Variants in CACNA1E observed in about 807,000 individuals in gnomAD.
CACNA1E encodes the protein calcium voltage-gated channel subunit alpha1 E.
Under a neutral mutation model 259.2 loss-of-function variants are expected in CACNA1E, and 40 were observed. The observed-to-expected ratio is 0.15, with a 90% CI of 0.12 to 0.20. CACNA1E has a LOEUF of 0.20. Among genes scored for constraint, CACNA1E ranks in the 10% least tolerant of loss-of-function variants. The pLI is 1.00. For missense variants in CACNA1E, 1,874 were observed against 3,040.1 expected (o/e 0.62, Z 9.02); for synonymous variants, 1,104 against 1,138.5 (o/e 0.97, Z 0.61).
At chr1:181,783,891 C>A in intron 40 of CACNA1E, 107 bp downstream of exon 40, 1 of 717,520 alleles carries the variant, frequency 1.4e-6, no homozygotes, top group South Asian at 1.7e-5. Context: ...GTTAAGGACA[C>A]AATAATGCAG....
intron 7 of CACNA1E, among the ~76,000 whole-genome samples, chr1:181,652,873 T>G (rs972239442): frequency 6.6e-6 from 1 of 152,076 alleles, no homozygotes; most frequent in Non-Finnish European, 1.5e-5. Context: ...GTTGATATGT[T>G]GTACTGAAAA....
At chr1:181,380,087 T>C (rs935878216) in intron 1 of CACNA1E, among the ~76,000 whole-genome samples, 1 of 149,054 alleles carries the variant, frequency 6.7e-6, no homozygotes, top group African/African-American at 2.5e-5. Context: ...TAGCAAAGAG[T>C]TGTAGGTAAT....
At chr1:181,585,468 T>C (rs1294711183) in intron 6 of CACNA1E, among the ~76,000 whole-genome samples, 5 of 152,124 alleles carry the variant, frequency 3.3e-5, no homozygotes, top group African/African-American at 9.7e-5. Flanking sequence ...GAGTAAAACA[T>C]AGGAAAGTCC....
At chr1:181,686,653 C>T (rs368263428) in intron 7 of CACNA1E, among the ~76,000 whole-genome samples, 2 of 152,254 alleles carry the variant, frequency 1.3e-5, no homozygotes, top group East Asian at 1.9e-4. Flanking sequence ...CTTGCTATGG[C>T]TGGTAGCAAG....
chr1:181,431,232 G>A (rs1659693328), intron 2 of CACNA1E, among the ~76,000 whole-genome samples: 1 of 152,202 alleles, frequency 6.6e-6, no homozygotes, highest in Non-Finnish European at 1.5e-5. Flanking sequence ...AGCTGAAATT[G>A]CGGAGTGAGT....
chr1:181,728,662 T>C (rs1558314055), intron 18 of CACNA1E, among the ~76,000 whole-genome samples: 1 of 150,714 alleles, frequency 6.6e-6, no homozygotes, highest in Admixed American at 6.6e-5. Context: ...GTGTCCTACA[T>C]AGGTGTGTGT....
At chr1:181,712,550 G>C (rs1177658954) in intron 8 of CACNA1E, among the ~76,000 whole-genome samples, 1 of 152,118 alleles carries the variant, frequency 6.6e-6, no homozygotes, top group Non-Finnish European at 1.5e-5. Flanking sequence ...GGGTTGAGAG[G>C]GTACCTGTAT....
At chr1:181,481,374 T>A (rs867817385), upstream of CACNA1E, among the ~76,000 whole-genome samples, 21 of 137,196 alleles carry the variant, frequency 1.5e-4, no homozygotes, top group South Asian at 7.1e-4. Flanking sequence ...ACACACACTC[T>A]CACATACATT....
intron 1 of CACNA1E, among the ~76,000 whole-genome samples, chr1:181,379,694 G>T (rs906371058): frequency 1.3e-5 from 2 of 151,978 alleles, no homozygotes; most frequent in South Asian, 4.1e-4. Context: ...CCAATCATAA[G>T]GTCTCTACCC....
intron 29 of CACNA1E, among the ~76,000 whole-genome samples, chr1:181,756,341 A>C (rs541801007): frequency 6.6e-6 from 1 of 152,240 alleles, no homozygotes; most frequent in East Asian, 1.9e-4. Flanking sequence ...TGAGGAGTCA[A>C]GTGGAGCCAT....
chr1:181,694,232 A>G lies in CACNA1E; in HGVS notation c.1056-16722A>G, dbSNP rs184070434. 5.1e-3 allele frequency among the ~76,000 whole-genome samples: 770 copies of G among 152,346 alleles called. 7 individuals are homozygous for G. Among genetic ancestry groups the G allele is most frequent in the African/African-American group, 0.017 (726 of 41,588 alleles). On this transcript the variant is annotated intron_variant, in intron 7 of 47. Coordinates refer to ENST00000367573, the MANE Select transcript of CACNA1E (RefSeq NM_001205293.3). ...AAAATCAGTCAAGTTAATGTACTAC[A>G]TTAGCAGTAAAAGAGGGAGAAAGCA...
intron 1 of CACNA1E, among the ~76,000 whole-genome samples, chr1:181,326,753 T>C (rs576894668): frequency 2.0e-5 from 3 of 152,332 alleles, no homozygotes; most frequent in African/African-American, 7.2e-5. Context: ...TGTCTCAAAC[T>C]CACCTTGTCT....
chr1:181,672,779 A>G (rs1648941136), intron 7 of CACNA1E, among the ~76,000 whole-genome samples: 1 of 152,198 alleles, frequency 6.6e-6, no homozygotes, highest in South Asian at 2.1e-4. Flanking sequence ...TCTTATCCAT[A>G]TAGTCTTTCA....
chr1:181,320,540 T>C (rs564831497), intron 1 of CACNA1E, among the ~76,000 whole-genome samples: 1 of 152,368 alleles, frequency 6.6e-6, no homozygotes, highest in African/African-American at 2.4e-5. Context: ...ATTAAGTAGG[T>C]ATCCCCATTT....
intron 6 of CACNA1E, among the ~76,000 whole-genome samples, chr1:181,594,463 A>G (rs1486235010): frequency 2.0e-5 from 3 of 152,164 alleles, no homozygotes; most frequent in African/African-American, 4.8e-5. Context: ...CAGTGGCGTG[A>G]TCTTGGCTTA....
intron 7 of CACNA1E, among the ~76,000 whole-genome samples, chr1:181,662,160 C>T (rs921403559): frequency 2.6e-5 from 4 of 152,126 alleles, no homozygotes; most frequent in Non-Finnish European, 4.4e-5. Context: ...TGGGAGCTTG[C>T]TGAGAGAATC....
intron 25 of CACNA1E, among the ~76,000 whole-genome samples, chr1:181,744,037 T>G (rs1361079000): frequency 1.3e-5 from 2 of 152,224 alleles, no homozygotes; most frequent in Non-Finnish European, 2.9e-5. Flanking sequence ...CTCAGGAGAT[T>G]TGGCTCACAG....
At chr1:181,441,826 A>G (rs2102298619) in intron 2 of CACNA1E, among the ~76,000 whole-genome samples, 2 of 152,264 alleles carry the variant, frequency 1.3e-5, no homozygotes, top group South Asian at 4.1e-4. Flanking sequence ...TCTACATAGC[A>G]TAGTAGGAAA....
At chr1:181,792,702 A>T (rs1473231005) in intron 44 of CACNA1E, among the ~76,000 whole-genome samples, 1 of 152,142 alleles carries the variant, frequency 6.6e-6, no homozygotes, top group Non-Finnish European at 1.5e-5. Context: ...TCATTTCCTA[A>T]ATATAAAATA....
Sources: gnomAD v4.1 joint callset for allele counts (sites outside exome capture counted in the v4.1 genomes callset) on GRCh38, gnomAD v4.1.1 for gene constraint, MANE v1.5 for transcripts, NCBI Gene and HGNC (gene_info 2026-07-23, HGNC 2026-07-21) for gene names.